Variants in AFF2 observed in about 807,000 individuals in gnomAD.
The protein encoded by AFF2 is AF4/FMR2 family member 2.
A neutral mutation model predicts 76.9 loss-of-function variants in AFF2; 14 were observed. The ratio of observed to expected loss-of-function variants is 0.18; its 90% CI spans 0.12 to 0.28. The LOEUF (loss-of-function observed/expected upper bound fraction) is 0.28, where lower values mean the gene tolerates loss of function less well. Ranked by LOEUF, AFF2 falls within the 10% of genes least tolerant of loss-of-function variation. The pLI, the probability that AFF2 is intolerant of heterozygous loss-of-function variation, is 1.00. For missense variants in AFF2, 868 were observed against 1,001.1 expected, an observed-to-expected ratio of 0.87 and a Z score of 1.79; for synonymous variants, 398 against 366.7, an observed-to-expected ratio of 1.09 and a Z score of -0.98.
intron 7 of AFF2, among the ~76,000 whole-genome samples, chrX:148,879,808 C>T (rs1395392900): frequency 3.6e-5 from 4 of 110,486 alleles, no homozygotes; most frequent in Non-Finnish European, 7.6e-5. Context: ...AAATCATAAG[C>T]AGTACAGAGA....
At chrX:148,643,011 C>T (rs781940023) in intron 1 of AFF2, among the ~76,000 whole-genome samples, 8 of 111,979 alleles carry the variant, frequency 7.1e-5, no homozygotes, top group Non-Finnish European at 1.3e-4. Context: ...AGAATTAGAT[C>T]TAGTAACTCT....
chrX:148,659,737 G>C (rs2054286636), intron 2 of AFF2, among the ~76,000 whole-genome samples: 1 of 111,994 alleles, frequency 8.9e-6, no homozygotes, highest in African/African-American at 3.2e-5. Context: ...ATTGAACAGG[G>C]AGCCTGGTTT....
intron 1 of AFF2, among the ~76,000 whole-genome samples, chrX:148,522,028 G>T (rs1557234581): frequency 8.9e-6 from 1 of 112,203 alleles, no homozygotes. Flanking sequence ...CATATTGTCG[G>T]TGAGCCAAAA....
At chrX:148,566,886 C>T (rs917515050) in intron 1 of AFF2, among the ~76,000 whole-genome samples, 3 of 111,538 alleles carry the variant, frequency 2.7e-5, no homozygotes, top group Non-Finnish European at 5.7e-5. Context: ...CTCTGACCAC[C>T]CTTGGACTGG....
chrX:148,795,835 ATATATATATATATATAT>A (rs2069971713), intron 3 of AFF2, among the ~76,000 whole-genome samples: 2 of 11,607 alleles, frequency 1.7e-4, no homozygotes, highest in African/African-American at 3.6e-4. Context: ...AAAAAAAAAT[ATATATATATATATATAT>A]ATATATATAT....
intron 1 of AFF2, among the ~76,000 whole-genome samples, chrX:148,645,766 G>T (rs59245191): frequency 0.046 from 5,109 of 111,674 alleles, 301 homozygotes; most frequent in African/African-American, 0.16. Flanking sequence ...TGTACAGAAA[G>T]GTTATTTGTG....
intron 13 of AFF2, among the ~76,000 whole-genome samples, chrX:148,966,536 G>A (rs1168095939): frequency 1.8e-5 from 2 of 109,910 alleles, no homozygotes; most frequent in African/African-American, 6.6e-5. Context: ...CTGTCTTAAT[G>A]GGATGGTGGA....
At chrX:148,553,132 A>G (rs1478487018) in intron 1 of AFF2, among the ~76,000 whole-genome samples, 3 of 112,048 alleles carry the variant, frequency 2.7e-5, no homozygotes, top group African/African-American at 3.2e-5. Context: ...TACTTTTTAA[A>G]TTGAACTGTA....
chrX:148,930,845 A>T (rs1557284314), intron 9 of AFF2, among the ~76,000 whole-genome samples: 1 of 112,360 alleles, frequency 8.9e-6, no homozygotes, highest in Non-Finnish European at 1.9e-5. Context: ...GACTTCAGAT[A>T]GAGTCTTGGG....
intron 1 of AFF2, among the ~76,000 whole-genome samples, chrX:148,526,969 C>CGA (rs2052667840): frequency 8.9e-6 from 1 of 112,033 alleles, no homozygotes; most frequent in Admixed American, 9.5e-5. Context: ...TAAGAGTCAT[C>CGA]AATGGATCAT....
chrX:148,762,988 C>T (rs1569555097), intron 3 of AFF2, among the ~76,000 whole-genome samples: 1 of 112,305 alleles, frequency 8.9e-6, no homozygotes, highest in African/African-American at 3.2e-5. Flanking sequence ...GCTGACGACA[C>T]TTTTTCTGAA....
intron 3 of AFF2, among the ~76,000 whole-genome samples, chrX:148,710,032 G>C (rs782777295): frequency 1.1e-3 from 128 of 111,629 alleles, no homozygotes; most frequent in African/African-American, 3.9e-3. Flanking sequence ...ACAGAACCTA[G>C]AATAGTCATG....
rs1603336493 is a variant in AFF2 at position 148,895,120 on chromosome X, A to G, written c.1360-9101A>G. ...CAGCTGGAGGTTTCCTTCTCCCTGT[A>G]GCCTTTTCCGAGTGCCTCTAGCAGC... is the stretch of plus-strand genomic sequence containing the variant. On this transcript the variant is annotated intron_variant, in intron 8 of 20. Coordinates refer to ENST00000370460, the MANE Select transcript of AFF2 (RefSeq NM_002025.4). Among the ~76,000 whole-genome samples, 5 of 111,020 alleles carry G rather than the reference A, an allele frequency of 4.5e-5. No individual in the cohort carries two copies. The South Asian group carries it at 1.9e-3, about 43-fold the overall frequency.
intron 8 of AFF2, among the ~76,000 whole-genome samples, chrX:148,888,571 T>C (rs189402088): frequency 0.012 from 1,389 of 112,023 alleles, 24 homozygotes; most frequent in African/African-American, 0.043. Context: ...AGTTAACTTA[T>C]AGAGGAATCA....
chrX:148,525,889 A>C lies in AFF2; in HGVS notation c.47+24745A>C, dbSNP rs1314260302. 2.7e-5 allele frequency among the ~76,000 whole-genome samples: 3 copies of C among 111,628 alleles called. No homozygotes were observed. The Admixed American group carries it at 2.9e-4, about 11-fold the overall frequency. The stretch of plus-strand genomic sequence containing the variant: ...ACATACGAGAAATCTGAAAGTTCTG[A>C]CTGCTCTGTGTGCTTAGGACCTCCA... On this transcript the variant is annotated intron_variant, in intron 1 of 20. Transcript: ENST00000370460.
In AFF2 at chrX:148,956,226, C is replaced by T. The variant is rs143927826; in HGVS notation, c.2181C>T (p.Thr727=). ...TSDSNTDQEE[T]LQIKVLPPCI... is the part of the protein sequence containing the mutation. ...ACTCCAACACAGATCAGGAAGAGAC[C>T]CTGCAAATCAAAGTCCTGCCTCCGT... is the stretch of plus-strand genomic sequence containing the variant. Residue 727 remains threonine, a synonymous_variant, in exon 11 of 21, where the codon ACC becomes ACT. Transcript: ENST00000370460. 2.2e-4 allele frequency: 260 copies of T among 1,209,298 alleles called. No homozygotes were observed. The African/African-American group carries it at 4.2e-3, about 19-fold the overall frequency.
At chrX:148,674,725 G>GA (rs782778083) in intron 3 of AFF2, among the ~76,000 whole-genome samples, 48 of 112,188 alleles carry the variant, frequency 4.3e-4, no homozygotes, top group African/African-American at 1.4e-3. Context: ...AGAATCACAA[G>GA]ATGTAAAAGA....
At chrX:148,624,748 T>C (rs1329775520) in intron 1 of AFF2, among the ~76,000 whole-genome samples, 2 of 111,967 alleles carry the variant, frequency 1.8e-5, no homozygotes, top group African/African-American at 6.5e-5. Context: ...AAAATCCAGA[T>C]GGGAAGTAAA....
At chrX:148,953,553 C>G in intron 9 of AFF2, 27 bp from the exon 10 acceptor site, 1 of 1,190,688 alleles carries the variant, frequency 8.4e-7, no homozygotes, top group Non-Finnish European at 1.1e-6. Flanking sequence ...GTAAATGAGG[C>G]AATGAATTAT....
Sources: gnomAD v4.1 joint callset for allele counts (sites outside exome capture counted in the v4.1 genomes callset) on GRCh38, gnomAD v4.1.1 for gene constraint, MANE v1.5 for transcripts, NCBI Gene and HGNC (gene_info 2026-07-23, HGNC 2026-07-21) for gene names.